Variants in SLAMF1 observed in about 807,000 individuals in gnomAD.
SLAMF1 encodes the protein signaling lymphocytic activation molecule family member 1.
In SLAMF1, 18 loss-of-function variants were observed where a neutral mutation model predicts 35.1. The ratio of observed to expected loss-of-function variants is 0.51; its 90% confidence interval spans 0.35 to 0.76. The LOEUF (loss-of-function observed/expected upper bound fraction) is 0.76, where lower values mean the gene tolerates loss of function less well. SLAMF1 is among the 30% of genes least tolerant of loss of function. The pLI, the probability that SLAMF1 is intolerant of heterozygous loss-of-function variation, is 0.01. For missense variants in SLAMF1, 392 were observed against 413.0 expected (o/e 0.95, Z 0.44); for synonymous variants, 168 against 157.2 (o/e 1.07, Z -0.51).
chr1:160,632,683 C>G lies in SLAMF1; in HGVS notation c.700+1930G>C, dbSNP rs187197551. ...AAATATTCAGTGCCCTGTTTTTGTA[C>G]TCTAATAGGGCAGCTATACCCAGAG... On this transcript the variant is annotated intron_variant, in intron 3 of 6. Transcript: ENST00000302035. Among the ~76,000 whole-genome samples, 7 of 152,202 alleles carry G rather than the reference C, an allele frequency of 4.6e-5. No individual in the cohort carries two copies. In the East Asian group the frequency reaches 1.3e-3, roughly 29 times the overall value.
intron 3 of SLAMF1, among the ~76,000 whole-genome samples, chr1:160,625,906 A>G (rs1358053513): frequency 4.0e-5 from 6 of 151,856 alleles, no homozygotes; most frequent in Admixed American, 2.0e-4. Context: ...GGTTTATGAT[A>G]TCGACACTAG....
At chr1:160,634,934 T>G (rs1660357676) in intron 2 of SLAMF1, 37 bp from the exon 3 acceptor site, 1 of 1,563,622 alleles carries the variant, frequency 6.4e-7, no homozygotes, top group African/African-American at 1.4e-5. Flanking sequence ...ATCACTGAAG[T>G]GAACCCCTGG....
intron 5 of SLAMF1, among the ~76,000 whole-genome samples, chr1:160,618,828 C>A (rs796423795): frequency 2.0e-5 from 3 of 152,236 alleles, no homozygotes; most frequent in African/African-American, 7.2e-5. Context: ...GTTACCTAAA[C>A]AGGCAGATGA....
rs886428811 is a variant in SLAMF1 at position 160,610,323 on chromosome 1, T to C, written c.*425A>G. The C allele has an allele frequency of 1.1e-5, 5 of 457,412 alleles. No individual in the cohort carries two copies. Among genetic ancestry groups the C allele is most frequent in the Non-Finnish European group, 2.2e-5 (5 of 227,490 alleles). 28.3% of individuals were successfully genotyped at this position (457,412 alleles called of 1,614,324 possible). A position where few individuals can be genotyped will look rare whatever the true frequency, so the allele number is the denominator to read the frequency against. On this transcript the variant is annotated 3_prime_UTR_variant, in exon 7 of 7. Transcript: ENST00000302035. ...ATCAGCTCCCAGAACAAAGTAAAGA[T>C]AGCCAAAATGTAAACTTTTCCAGAC...
chr1:160,619,088 T>A (rs114317468), intron 5 of SLAMF1, among the ~76,000 whole-genome samples: 1,630 of 152,330 alleles, frequency 0.011, 13 homozygotes, highest in East Asian at 0.026. Flanking sequence ...TGCCTCTACC[T>A]ACACCCCAAA....
At chr1:160,611,689 A>T (rs1448055952) in intron 6 of SLAMF1, among the ~76,000 whole-genome samples, 1 of 152,206 alleles carries the variant, frequency 6.6e-6, no homozygotes, top group African/African-American at 2.4e-5. Context: ...GTCCCTGCTG[A>T]TCTTGCAATA....
intron 5 of SLAMF1, among the ~76,000 whole-genome samples, chr1:160,618,013 T>A (rs1266797742): frequency 6.6e-6 from 1 of 152,022 alleles, no homozygotes; most frequent in African/African-American, 2.4e-5. Flanking sequence ...GCGGAGGTTG[T>A]AGTGAGCCCA....
At chr1:160,636,442 T>A (rs1660458681) in intron 2 of SLAMF1, among the ~76,000 whole-genome samples, 2 of 152,198 alleles carry the variant, frequency 1.3e-5, no homozygotes, top group African/African-American at 4.8e-5. Flanking sequence ...GAAAGCCCCA[T>A]GTGGCTATCA....
chr1:160,628,594 T>G (rs534866859), intron 3 of SLAMF1, among the ~76,000 whole-genome samples: 1 of 152,238 alleles, frequency 6.6e-6, no homozygotes, highest in Non-Finnish European at 1.5e-5. Context: ...GCCCTGTACC[T>G]TATTCTTTAT....
chr1:160,619,055 T>A (rs146895979), intron 5 of SLAMF1, among the ~76,000 whole-genome samples: 173 of 152,322 alleles, frequency 1.1e-3, no homozygotes, highest in African/African-American at 3.9e-3. Context: ...CATCTTTACC[T>A]TCACATCCTT....
In SLAMF1 at chr1:160,610,798, C is replaced by T. The variant is rs1658941143; in HGVS notation, c.958G>A (p.Glu320Lys). Residue 320 changes from glutamate (E) to lysine (K), a missense_variant and splice_region_variant, in exon 7 of 7, where the codon GAA becomes AAA. Coordinates refer to ENST00000302035, the MANE Select transcript of SLAMF1 (RefSeq NM_003037.5). ...ATEPVPESVQ[E>K]TNSITVYASV... ...GCATAGACTGTGATGGAATTTGTTT[C>T]CTGGGGACAAAGCAGAAGTCTGTGA... 3.1e-6 allele frequency: 5 copies of T among 1,610,878 alleles called. No individual in the cohort carries two copies. The highest frequency in any genetic ancestry group is 3.3e-5 in the Admixed American group (2 of 59,974).
chr1:160,617,388 A>C (rs1659360162), intron 5 of SLAMF1, among the ~76,000 whole-genome samples: 1 of 152,208 alleles, frequency 6.6e-6, no homozygotes, highest in Non-Finnish European at 1.5e-5. Flanking sequence ...CACAGCTGCA[A>C]CTTTCATAAT....
At position 160,609,151 on chromosome 1, in the gene SLAMF1, G is replaced by A. The variant is rs1658846273; in HGVS notation, c.*1597C>T. 6.6e-6 allele frequency: 1 copy of A among 152,364 alleles called. No homozygotes were observed. Among genetic ancestry groups the A allele is most frequent in the Admixed American group, 6.5e-5 (1 of 15,280 alleles). 9.4% of individuals were successfully genotyped at this position (152,364 alleles called of 1,614,324 possible). On this transcript the variant is annotated 3_prime_UTR_variant, in exon 7 of 7. Transcript: ENST00000302035. Reference sequence around the variant, plus strand: ...GGCAGTGGTAGAGTCTGTGCCTAGTGCTGGGGACAGTGGCTGTGCATGAAC... The same window carrying A: ...GGCAGTGGTAGAGTCTGTGCCTAGTACTGGGGACAGTGGCTGTGCATGAAC...
In SLAMF1 at chr1:160,624,106, C is replaced by G. The variant is rs1339919120; in HGVS notation, c.780G>C (p.Leu260Phe). The G allele has an allele frequency of 1.2e-6, 2 of 1,600,930 alleles. No homozygotes were observed. The highest frequency in any genetic ancestry group is 1.3e-5 in the African/African-American group (1 of 74,206). ...TTGCCAGACACCTACCTCTTCTTCT[C>G]AACTGTAGTATTACCACCATGATGA... ...MILIMVVILQ[L>F]RRRGKTNHYQ... The change falls in exon 4 of 7, where the codon TTG becomes TTC. Residue 260 changes from leucine (L) to phenylalanine (F), a missense_variant. Transcript: ENST00000302035.
intron 5 of SLAMF1, 37 bp from the exon 6 acceptor site, chr1:160,612,617 G>C: frequency 7.8e-7 from 1 of 1,278,036 alleles, no homozygotes; most frequent in Non-Finnish European, 1.1e-6. Context: ...TAGCTGAACA[G>C]AGAGAGCTAG....
At chr1:160,625,738 A>G (rs1189345880) in intron 3 of SLAMF1, among the ~76,000 whole-genome samples, 1 of 152,110 alleles carries the variant, frequency 6.6e-6, no homozygotes, top group Non-Finnish European at 1.5e-5. Flanking sequence ...TGTATAAAGC[A>G]TGACATTTTG....
At chr1:160,613,573 G>C (rs1659117283) in intron 5 of SLAMF1, among the ~76,000 whole-genome samples, 1 of 152,154 alleles carries the variant, frequency 6.6e-6, no homozygotes, top group Non-Finnish European at 1.5e-5. Flanking sequence ...ACTGGTTATG[G>C]GATAATGCTG....
intron 3 of SLAMF1, among the ~76,000 whole-genome samples, chr1:160,628,908 C>G (rs1660019193): frequency 6.6e-6 from 1 of 152,192 alleles, no homozygotes; most frequent in East Asian, 1.9e-4. Context: ...TTCAAACCAC[C>G]ATTTCCTGTG....
chr1:160,608,491 G>A lies in SLAMF1; in HGVS notation c.*2257C>T, dbSNP rs1249304465. ...AGAGTTGTGAATGTATCACCAGAAG[G>A]GGTTGTTTTACCACGTGTAACCATG... On this transcript the variant is annotated 3_prime_UTR_variant, in exon 7 of 7. Transcript: ENST00000302035. 2.0e-5 allele frequency: 3 copies of A among 152,230 alleles called. No homozygotes were observed. Among genetic ancestry groups the A allele is most frequent in the African/African-American group, 7.2e-5 (3 of 41,460 alleles). The allele number at this position is 152,230 out of a possible 1,614,324, so 9.4% of individuals were successfully genotyped here. A position where few individuals can be genotyped will look rare whatever the true frequency, so the allele number is the denominator to read the frequency against.
Sources: gnomAD v4.1 joint callset for allele counts (sites outside exome capture counted in the v4.1 genomes callset) on GRCh38, gnomAD v4.1.1 for gene constraint, MANE v1.5 for transcripts, NCBI Gene and HGNC (gene_info 2026-07-23, HGNC 2026-07-21) for gene names.